Variants in TNFRSF19 observed in about 807,000 individuals in gnomAD.
TNFRSF19 encodes TNF receptor superfamily member 19.
In TNFRSF19, 27 loss-of-function variants were observed where a neutral mutation model predicts 46.4. That is an observed-to-expected ratio of 0.58 (90% CI 0.43 to 0.80). The LOEUF is 0.80. TNFRSF19 is among the 30% of genes least tolerant of loss of function. The pLI, the probability that TNFRSF19 is intolerant of heterozygous loss-of-function variation, is 0.00. For synonymous variants in TNFRSF19, 204 were observed against 205.0 expected, an observed-to-expected ratio of 1.00 and a Z score of 0.04; for missense variants, 511 against 530.8, an observed-to-expected ratio of 0.96 and a Z score of 0.37.
rs182871943 is a variant in TNFRSF19 at position 23,626,369 on chromosome 13, C to T, written c.360-338C>T. Among the ~76,000 whole-genome samples, 490 of 152,214 alleles carry T rather than the reference C, an allele frequency of 3.2e-3. 3 individuals are homozygous for T. The highest frequency in any genetic ancestry group is 4.9e-3 in the Non-Finnish European group (335 of 68,026). ...TTTTTTGGTGTCTGAATTCCAAATGCTAAAACCTAGTTCTTTATTCATTTA... is the reference window on the plus strand; with the variant it reads ...TTTTTTGGTGTCTGAATTCCAAATGTTAAAACCTAGTTCTTTATTCATTTA... On this transcript the variant is annotated intron_variant, in intron 4 of 9. Coordinates refer to ENST00000248484, the MANE Select transcript of TNFRSF19 (RefSeq NM_148957.4).
At chr13:23,610,303 G>A (rs867632214) in intron 3 of TNFRSF19, among the ~76,000 whole-genome samples, 17 of 152,314 alleles carry the variant, frequency 1.1e-4, no homozygotes, top group Middle Eastern at 3.4e-3. Flanking sequence ...GGCTGGATTT[G>A]CAGAAGGAGA....
rs540180289 is a variant in TNFRSF19, at chr13:23,659,652, G to A, written c.610+438G>A. On this transcript the variant is annotated intron_variant, in intron 6 of 9. Transcript: ENST00000248484. The surrounding 1 kb of genome is among the most constrained non-coding windows in gnomAD (Gnocchi z 4.9). ...CTCCGGAGTAGCTGGGACTACAGGC[G>A]CCCGCCACCACGCCTGGATAATTTT... Among the ~76,000 whole-genome samples, 3 of 152,066 alleles carry A rather than the reference G, an allele frequency of 2.0e-5. No individual in the cohort carries two copies. Among genetic ancestry groups the A allele is most frequent in the Non-Finnish European group, 2.9e-5 (2 of 67,978 alleles).
intron 5 of TNFRSF19, among the ~76,000 whole-genome samples, chr13:23,647,224 G>C (rs190858800): frequency 6.6e-6 from 1 of 152,210 alleles, no homozygotes; most frequent in Non-Finnish European, 1.5e-5. Context: ...CTTCTGCTCT[G>C]TGGGCTGTCA....
chr13:23,612,011 T>C (rs1880940809), intron 3 of TNFRSF19, among the ~76,000 whole-genome samples: 1 of 152,212 alleles, frequency 6.6e-6, no homozygotes, highest in African/African-American at 2.4e-5. Context: ...GTCACCCCAA[T>C]ACCTGTGTTG....
chr13:23,646,837 G>A (rs1883361736), intron 5 of TNFRSF19, among the ~76,000 whole-genome samples: 1 of 152,100 alleles, frequency 6.6e-6, no homozygotes, highest in Admixed American at 6.5e-5. Context: ...TGTGTTTAAT[G>A]TTTAGAGGAC....
Position 23,626,187 on chromosome 13 carries a change from CTGTGTGTGTGTG to C in TNFRSF19, c.360-495_360-484del, listed in dbSNP as rs35509472. On this transcript the variant is annotated intron_variant, in intron 4 of 9. Coordinates refer to ENST00000248484, the MANE Select transcript of TNFRSF19 (RefSeq NM_148957.4). ...TTTGCCCTTCAGATTTCTTTAAAAT[CTGTGTGTGTGTG>C]TGTGTGTGTGTGTGTGTGTGTGTGG... Among the ~76,000 whole-genome samples the C allele has an allele frequency of 3.6e-4, 52 of 145,566 alleles. No individual in the cohort carries two copies. In the South Asian group the frequency reaches 8.3e-3, roughly 23 times the overall value.
At chr13:23,573,801 G>A (rs948055561) in intron 1 of TNFRSF19, among the ~76,000 whole-genome samples, 4 of 152,052 alleles carry the variant, frequency 2.6e-5, no homozygotes, top group Admixed American at 1.3e-4. Flanking sequence ...GGTGGCTCAC[G>A]CCTGTAATCC....
At chr13:23,629,350 G>T (rs536569031) in intron 5 of TNFRSF19, among the ~76,000 whole-genome samples, 5 of 152,320 alleles carry the variant, frequency 3.3e-5, no homozygotes, top group African/African-American at 9.6e-5. Context: ...AGGAGACCCT[G>T]TATGCTGCAT....
At chr13:23,573,992 G>T (rs1487881290) in intron 1 of TNFRSF19, among the ~76,000 whole-genome samples, 3 of 147,834 alleles carry the variant, frequency 2.0e-5, no homozygotes, top group Non-Finnish European at 4.4e-5. Context: ...AACCCGGGAG[G>T]CAGAGCTTTC....
At chr13:23,630,966 A>G (rs1249179866) in intron 5 of TNFRSF19, among the ~76,000 whole-genome samples, 1 of 152,164 alleles carries the variant, frequency 6.6e-6, no homozygotes, top group African/African-American at 2.4e-5. Flanking sequence ...GGGATCAGAT[A>G]AATCACTGTG....
chr13:23,625,986 C>G (rs1047227481), intron 4 of TNFRSF19, among the ~76,000 whole-genome samples: 1 of 152,060 alleles, frequency 6.6e-6, no homozygotes, highest in Non-Finnish European at 1.5e-5. Flanking sequence ...ATGAAACATT[C>G]TTCTTTTGGG....
At chr13:23,575,538 C>T (rs904129132) in intron 1 of TNFRSF19, among the ~76,000 whole-genome samples, 4 of 152,122 alleles carry the variant, frequency 2.6e-5, no homozygotes, top group Admixed American at 6.5e-5. Context: ...TAGTGGGTAT[C>T]GGGAATTACT....
At chr13:23,599,214 G>A (rs887542461) in intron 3 of TNFRSF19, among the ~76,000 whole-genome samples, 1 of 152,206 alleles carries the variant, frequency 6.6e-6, no homozygotes, top group African/African-American at 2.4e-5. Context: ...AGATTTTTCT[G>A]TGTGGGGTGT....
chr13:23,630,924 G>T (rs994011933), intron 5 of TNFRSF19, among the ~76,000 whole-genome samples: 6 of 152,010 alleles, frequency 3.9e-5, no homozygotes, highest in Non-Finnish European at 7.4e-5. Flanking sequence ...CGGGGGCTTT[G>T]TAAGACAAGC....
At chr13:23,626,940 CAGGA>C in intron 5 of TNFRSF19, 148 bp downstream of exon 5, 1 of 700,280 alleles carries the variant, frequency 1.4e-6, no homozygotes, top group Non-Finnish European at 2.3e-6. Context: ...AGGCTTCTGG[CAGGA>C]CAGAAAGTCC....
intron 3 of TNFRSF19, among the ~76,000 whole-genome samples, chr13:23,601,659 T>G (rs1025756806): frequency 5.7e-5 from 8 of 141,580 alleles, no homozygotes; most frequent in Admixed American, 2.8e-4. Context: ...TGATTGAGTA[T>G]GCTTGTGTGT....
intron 7 of TNFRSF19, among the ~76,000 whole-genome samples, chr13:23,665,369 C>G (rs184812389): frequency 3.3e-5 from 5 of 152,274 alleles, no homozygotes; most frequent in African/African-American, 9.6e-5. Context: ...TGTGTGACCT[C>G]CTAACAGAAC....
chr13:23,637,965 C>T (rs747923369), intron 5 of TNFRSF19, among the ~76,000 whole-genome samples: 9 of 152,346 alleles, frequency 5.9e-5, no homozygotes, highest in Non-Finnish European at 1.2e-4. Context: ...ACTGGGAGGG[C>T]GGAGGCCCAA....
intron 3 of TNFRSF19, among the ~76,000 whole-genome samples, chr13:23,595,435 AAC>A (rs1879647550): frequency 6.6e-6 from 1 of 152,206 alleles, no homozygotes; most frequent in Non-Finnish European, 1.5e-5. Context: ...GGAGCTGAAA[AAC>A]ACAGCACAAG....
Sources: gnomAD v4.1 joint callset for allele counts (sites outside exome capture counted in the v4.1 genomes callset) on GRCh38, gnomAD v4.1.1 for gene constraint, Gnocchi (gnomAD v3.1) non-coding constraint, MANE v1.5 for transcripts, NCBI Gene and HGNC (gene_info 2026-07-23, HGNC 2026-07-21) for gene names.